The following SPATA7 variants were observed in gnomAD, a reference collection of about 807,000 sequenced individuals.
SPATA7 encodes the protein spermatogenesis associated 7.
SPATA7 carries 43 observed loss-of-function variants against 51.8 expected under a neutral mutation model. The observed-to-expected ratio is 0.83, with a 90% CI of 0.65 to 1.07. The LOEUF is 1.07. Among genes scored for constraint, SPATA7 ranks in the 50% least tolerant of loss-of-function variants. The pLI is 0.00. For missense variants in SPATA7, 683 were observed against 701.3 expected (o/e 0.97, Z 0.30); for synonymous variants, 230 against 252.8 (o/e 0.91, Z 0.86).
rs148525688 is a variant in SPATA7, at chr14:88,388,597, A to G, written c.19+2760A>G. 2.6e-5 allele frequency among the ~76,000 whole-genome samples: 4 copies of G among 152,272 alleles called. No homozygotes were observed. The East Asian group carries it at 5.8e-4, about 22-fold the overall frequency. On this transcript the variant is annotated intron_variant, in intron 1 of 11. Coordinates refer to ENST00000393545, the MANE Select transcript of SPATA7 (RefSeq NM_018418.5). Reference sequence around the variant, plus strand: ...GTTATACTTTCATAAAAGAGTAACTATAAGATGTAAGGGGCTGGGCGTGTC... The same window carrying G: ...GTTATACTTTCATAAAAGAGTAACTGTAAGATGTAAGGGGCTGGGCGTGTC...
At chr14:88,396,875 C>CTTTTTTTTTT (rs59603961) in intron 4 of SPATA7, among the ~76,000 whole-genome samples, 8 of 138,540 alleles carry the variant, frequency 5.8e-5, no homozygotes, top group Non-Finnish European at 9.2e-5. Flanking sequence ...TTTCTTTTTT[C>CTTTTTTTTTT]TTTTTTTTTT....
At chr14:88,431,302 C>A in intron 9 of SPATA7, 77 bp downstream of exon 9, 2 of 1,328,682 alleles carry the variant, frequency 1.5e-6, no homozygotes, top group Non-Finnish European at 2.2e-6. Context: ...TTAAATAAGT[C>A]AGGATTGAAC....
At chr14:88,410,247 A>C (rs1214255150) in intron 4 of SPATA7, among the ~76,000 whole-genome samples, 1 of 152,108 alleles carries the variant, frequency 6.6e-6, no homozygotes, top group Non-Finnish European at 1.5e-5. Flanking sequence ...AGGTCTCAAG[A>C]ACTTGGTTTA....
In SPATA7 at chr14:88,396,235, A is replaced by T. The variant is rs149093540; in HGVS notation, c.238+32A>T. On this transcript the variant is annotated intron_variant, in intron 4 of 11. Coordinates refer to ENST00000393545, the MANE Select transcript of SPATA7 (RefSeq NM_018418.5). ...AATTTTTGGACATTATTACCTTTTT[A>T]AAAAAAAATTAAGGTAAATATACAT... 2,024 of 1,500,142 alleles carry T rather than the reference A, an allele frequency of 1.3e-3. 27 individuals are homozygous for T. In the African/African-American group the frequency reaches 0.025, roughly 18 times the overall value. The allele number at this position is 1,500,142 out of a possible 1,614,324, so 92.9% of individuals were successfully genotyped here. A position where few individuals can be genotyped will look rare whatever the true frequency, so the allele number is the denominator to read the frequency against.
intron 2 of SPATA7, 141 bp downstream of exon 2, chr14:88,391,596 A>G (rs765880577): frequency 3.9e-6 from 3 of 762,000 alleles, no homozygotes; most frequent in Non-Finnish European, 4.5e-6. Context: ...AATGAAATAT[A>G]GGCGTTCTTG....
intron 5 of SPATA7, among the ~76,000 whole-genome samples, chr14:88,419,603 T>G (rs2076582289): frequency 6.6e-6 from 1 of 151,588 alleles, no homozygotes; most frequent in African/African-American, 2.4e-5. Flanking sequence ...CTTGGCTCAC[T>G]GCAAGCTCTG....
In SPATA7 at chr14:88,411,859, T is replaced by G. The variant is rs137974519; in HGVS notation, c.239-4852T>G. ...TGGTAGAATGATTTTTTGGGGGGGG[T>G]TTATACATGGTAATGGGATTGCTGG... On this transcript the variant is annotated intron_variant, in intron 4 of 11. Transcript: ENST00000393545. Among the ~76,000 whole-genome samples the G allele has an allele frequency of 2.6e-3, 390 of 151,460 alleles. 1 individual carries two copies. The highest frequency in any genetic ancestry group is 9.0e-3 in the African/African-American group (368 of 41,096).
intron 4 of SPATA7, among the ~76,000 whole-genome samples, chr14:88,406,247 T>C (rs2076194983): frequency 6.6e-6 from 1 of 152,038 alleles, no homozygotes; most frequent in Non-Finnish European, 1.5e-5. Context: ...ATAATTTAAT[T>C]TTTATAGAAG....
chr14:88,419,650 C>T (rs922131910), intron 5 of SPATA7, among the ~76,000 whole-genome samples: 1 of 151,564 alleles, frequency 6.6e-6, no homozygotes, highest in Non-Finnish European at 1.5e-5. Flanking sequence ...CCTCAGCCTC[C>T]GAGTAGCTGG....
chr14:88,393,640 G>T, intron 3 of SPATA7, 152 bp downstream of exon 3: 1 of 591,026 alleles, frequency 1.7e-6, no homozygotes, highest in Non-Finnish European at 3.0e-6. Context: ...ATTGACTCTA[G>T]GTACTTAGCA....
At chr14:88,463,931 TCTGC>T (rs1287026902) in intron 4 of SPATA7, among the ~76,000 whole-genome samples, 1 of 152,028 alleles carries the variant, frequency 6.6e-6, no homozygotes, top group Non-Finnish European at 1.5e-5. Context: ...CACTGCAACC[TCTGC>T]CTCCTGGGTT....
downstream of SPATA7, among the ~76,000 whole-genome samples, chr14:88,456,245 G>A (rs1045270281): frequency 6.6e-6 from 1 of 152,154 alleles, no homozygotes; most frequent in African/African-American, 2.4e-5. Context: ...ACCCAGTAAT[G>A]GGGTGGCTGG....
Position 88,461,165 on chromosome 14 carries a change from CT to C in SPATA7, c.255-8680del, listed in dbSNP as rs1169389986. ...AGGCTACTCGGGGGTCAGGGACCCA[CT>C]TGAGGGGGCAGTCTGTCCGTTCTCA... On this transcript the variant is annotated intron_variant, in intron 4 of 4. Coordinates refer to the SPATA7 transcript ENST00000556406. Among the ~76,000 whole-genome samples, 8 of 152,348 alleles carry C rather than the reference CT, an allele frequency of 5.3e-5. 1 individual carries two copies. Among genetic ancestry groups the C allele is most frequent in the Admixed American group, 1.3e-4 (2 of 15,304 alleles).
intron 5 of SPATA7, among the ~76,000 whole-genome samples, chr14:88,425,710 A>G (rs1445803073): frequency 1.3e-5 from 2 of 152,076 alleles, no homozygotes; most frequent in Non-Finnish European, 2.9e-5. Context: ...TATGGAATAA[A>G]TATTTATTAA....
intron 4 of SPATA7, chr14:88,468,248 T>A (rs151002751): frequency 4.4e-6 from 7 of 1,605,238 alleles, no homozygotes; most frequent in Non-Finnish European, 6.0e-6. Flanking sequence ...TGTCCAGCAC[T>A]CTCGGGATGT....
At chr14:88,464,850 A>G (rs535400555) in intron 4 of SPATA7, among the ~76,000 whole-genome samples, 28 of 152,354 alleles carry the variant, frequency 1.8e-4, no homozygotes, top group Admixed American at 6.5e-4. Context: ...ATTACTGTAC[A>G]TAGTTGTATA....
rs909527062 is a variant in SPATA7, at chr14:88,422,288, A to C, written c.373-3944A>C. Among the ~76,000 whole-genome samples, 4 of 152,114 alleles carry C rather than the reference A, an allele frequency of 2.6e-5. No homozygotes were observed. In the East Asian group the frequency reaches 7.8e-4, roughly 30 times the overall value. ...AGGGGAAGCAGTGAATATGATTGAG[A>C]GCCCCAGGGCTATTATGTAGATAAA... On this transcript the variant is annotated intron_variant, in intron 5 of 11. Coordinates refer to ENST00000393545, the MANE Select transcript of SPATA7 (RefSeq NM_018418.5).
downstream of SPATA7, among the ~76,000 whole-genome samples, chr14:88,441,878 C>G (rs1211641320): frequency 1.3e-5 from 2 of 152,096 alleles, no homozygotes; most frequent in African/African-American, 4.8e-5. Context: ...GTTTTTGATG[C>G]ATTTGCGTTT....
At position 88,402,533 on chromosome 14, in the gene SPATA7, C is replaced by T. The variant is rs114728673; in HGVS notation, c.238+6330C>T. On this transcript the variant is annotated intron_variant, in intron 4 of 11. Transcript: ENST00000393545. Reference sequence around the variant, plus strand: ...TATCTTCAAAAGGGTACCAAACACACACAGTGGGGAAAGGATAGTGTCATC... The same window carrying T: ...TATCTTCAAAAGGGTACCAAACACATACAGTGGGGAAAGGATAGTGTCATC... Among the ~76,000 whole-genome samples the T allele has an allele frequency of 5.7e-3, 866 of 152,216 alleles. 13 individuals carry two copies. Among genetic ancestry groups the T allele is most frequent in the African/African-American group, 0.02 (831 of 41,532 alleles).
Sources: gnomAD v4.1 joint callset for allele counts (sites outside exome capture counted in the v4.1 genomes callset) on GRCh38, gnomAD v4.1.1 for gene constraint, MANE v1.5 for transcripts, NCBI Gene and HGNC (gene_info 2026-07-23, HGNC 2026-07-21) for gene names.